ATP6V0A2: variants seen among roughly 807,000 people sequenced by gnomAD.
ATP6V0A2 encodes V-type proton ATPase 116 kDa subunit a 2.
ATP6V0A2 carries 58 observed loss-of-function variants against 104.4 expected under a neutral mutation model. The ratio of observed to expected loss-of-function variants is 0.56; its 90% CI spans 0.45 to 0.69. The LOEUF (loss-of-function observed/expected upper bound fraction) is 0.69, where lower values mean the gene tolerates loss of function less well. Among genes scored for constraint, ATP6V0A2 ranks in the 30% least tolerant of loss-of-function variants. The pLI, the probability that ATP6V0A2 is intolerant of heterozygous loss-of-function variation, is 0.00. For synonymous variants in ATP6V0A2, 376 were observed against 397.9 expected (o/e 0.95, Z 0.65); for missense variants, 938 against 1,062.9 (o/e 0.88, Z 1.63).
At chr12:123,729,260 C>T (rs1956477167) in intron 6 of ATP6V0A2, among the ~76,000 whole-genome samples, 1 of 150,682 alleles carries the variant, frequency 6.6e-6, no homozygotes, top group Non-Finnish European at 1.5e-5. Flanking sequence ...AACAGGATGT[C>T]CAGATGCATG....
chr12:123,747,780 C>G, intron 14 of ATP6V0A2, 55 bp downstream of exon 14: 1 of 1,202,624 alleles, frequency 8.3e-7, no homozygotes, highest in Non-Finnish European at 1.2e-6. Context: ...GGCATTTCTT[C>G]AATTTTGCTT....
chr12:123,732,767 G>A (rs1200012407), intron 6 of ATP6V0A2: 1 of 29,866 alleles, frequency 3.3e-5, no homozygotes, highest in Non-Finnish European at 7.3e-5. Flanking sequence ...CCTCCCTCCC[G>A]TCTCCTCATC....
At chr12:123,745,363 C>T (rs770789919) in intron 13 of ATP6V0A2, among the ~76,000 whole-genome samples, 1 of 151,994 alleles carries the variant, frequency 6.6e-6, no homozygotes, top group Non-Finnish European at 1.5e-5. Flanking sequence ...TGAAAGGAAG[C>T]GTGAGGTTAT....
At chr12:123,724,911 A>G in intron 4 of ATP6V0A2, 120 bp downstream of exon 4, 1 of 660,712 alleles carries the variant, frequency 1.5e-6, no homozygotes, top group Non-Finnish European at 2.4e-6. Flanking sequence ...TTCTTTTAAG[A>G]GATTAAATTT....
chr12:123,753,596 C>T (rs1956736622), intron 17 of ATP6V0A2, among the ~76,000 whole-genome samples: 1 of 152,232 alleles, frequency 6.6e-6, no homozygotes, highest in Non-Finnish European at 1.5e-5. Flanking sequence ...AAGGTTCTGT[C>T]TTCAAATACA....
At chr12:123,756,671 A>G in intron 18 of ATP6V0A2, 144 bp from the exon 19 acceptor site, 1 of 794,548 alleles carries the variant, frequency 1.3e-6, no homozygotes, top group Admixed American at 2.4e-5. Flanking sequence ...CATGAGAAAC[A>G]GTTGGGTCTG....
chr12:123,736,185 CTTTTT>C (rs75644082), intron 8 of ATP6V0A2, among the ~76,000 whole-genome samples: 2 of 81,912 alleles, frequency 2.4e-5, no homozygotes, highest in Admixed American at 3.4e-4. Context: ...GATTGTGATT[CTTTTT>C]TTTTTTTTTT....
intron 6 of ATP6V0A2, chr12:123,730,816 C>T (rs1956495370): frequency 1.3e-5 from 2 of 152,200 alleles, no homozygotes; most frequent in Non-Finnish European, 1.5e-5. Flanking sequence ...AAGTGATTCT[C>T]CTACCTCAGC....
At chr12:123,713,942 T>C (rs1322684549) in intron 1 of ATP6V0A2, among the ~76,000 whole-genome samples, 1 of 152,056 alleles carries the variant, frequency 6.6e-6, no homozygotes, top group Non-Finnish European at 1.5e-5. Context: ...GACTCCTGAG[T>C]GACAGGCGAG....
chr12:123,748,635 C>G lies in ATP6V0A2; in HGVS notation c.1785C>G (p.Leu595=), dbSNP rs1456745279. ...LVSIPELLFM[L]CIFGYLIFMI... The stretch of plus-strand genomic sequence containing the variant: ...CCATCCCGGAACTTCTCTTCATGCT[C>G]TGTATCTTTGGATACCTTATATTTA... The change falls in exon 15 of 20, where the codon CTC becomes CTG. Residue 595 remains leucine (L), a synonymous_variant. Coordinates refer to ENST00000330342, the MANE Select transcript of ATP6V0A2 (RefSeq NM_012463.4). 2.5e-6 allele frequency: 4 copies of G among 1,614,054 alleles called. No homozygotes were observed. In the Admixed American group the frequency reaches 5.0e-5, roughly 20 times the overall value.
chr12:123,723,428 G>T (rs1475815429), intron 3 of ATP6V0A2: 1 of 150,818 alleles, frequency 6.6e-6, no homozygotes, highest in Non-Finnish European at 1.5e-5. Context: ...AGGATGTTTA[G>T]TATGTAACTA....
chr12:123,740,962 ATTCTT>A (rs1956603689), intron 9 of ATP6V0A2, among the ~76,000 whole-genome samples: 1 of 149,794 alleles, frequency 6.7e-6, no homozygotes, highest in Non-Finnish European at 1.5e-5. Context: ...TTTTTTTTTA[ATTCTT>A]TTAACTCCTT....
intron 6 of ATP6V0A2, 174 bp from the exon 7 acceptor site, chr12:123,733,751 TG>T: frequency 3.3e-6 from 2 of 614,304 alleles, no homozygotes; most frequent in East Asian, 5.6e-5. Context: ...CTCCGTGGAT[TG>T]GTTTGGGGCT....
chr12:123,727,944 C>T (rs532023087), intron 6 of ATP6V0A2, 35 bp downstream of exon 6: 32 of 1,613,856 alleles, frequency 2.0e-5, no homozygotes, highest in Middle Eastern at 1.7e-4. Context: ...TTAGCAATGA[C>T]GGACTAACAG....
At chr12:123,725,370 G>T (rs7960403) in intron 4 of ATP6V0A2, among the ~76,000 whole-genome samples, 101,093 of 152,100 alleles carry the variant, frequency 0.66, 33,940 homozygotes, top group East Asian at 0.95. Context: ...GGTTTAGTTT[G>T]TGGTTGAAAA....
chr12:123,716,826 A>T (rs112133486), intron 1 of ATP6V0A2, among the ~76,000 whole-genome samples: 1,798 of 150,544 alleles, frequency 0.012, 36 homozygotes, highest in Admixed American at 0.05. Context: ...TCATGCATCC[A>T]TTGCCACAAT....
Position 123,757,907 on chromosome 12 carries a change from A to G in ATP6V0A2, c.2466-20A>G, listed in dbSNP as rs747028036. On this transcript the variant is annotated intron_variant, in intron 19 of 19. Coordinates refer to ENST00000330342, the MANE Select transcript of ATP6V0A2 (RefSeq NM_012463.4). ...TGATTTCATAATCTTCCATTAATACATGGCTTTTTTTTTTTTTAGGGTAGA... is the reference window on the plus strand; with the variant it reads ...TGATTTCATAATCTTCCATTAATACGTGGCTTTTTTTTTTTTTAGGGTAGA... The G allele has an allele frequency of 7.3e-6, 10 of 1,368,296 alleles. No individual in the cohort carries two copies. In the South Asian group the frequency reaches 7.3e-5, roughly 10 times the overall value. 84.8% of individuals were successfully genotyped at this position (1,368,296 alleles called of 1,614,324 possible).
intron 15 of ATP6V0A2, 139 bp from the exon 16 acceptor site, chr12:123,750,971 C>T: frequency 2.6e-6 from 3 of 1,163,632 alleles, no homozygotes; most frequent in Non-Finnish European, 3.8e-6. Context: ...AACCCGCTGG[C>T]AAGTGTAGCT....
rs1312882351 is a variant in ATP6V0A2, at chr12:123,744,666, C to T, written c.1396C>T (p.Leu466Phe). 1 of 1,614,032 alleles carries T rather than the reference C, an allele frequency of 6.2e-7. No individual in the cohort carries two copies. The highest frequency in any genetic ancestry group is 8.5e-7 in the Non-Finnish European group (1 of 1,180,030). The change falls in exon 12 of 20, where the codon CTC becomes TTC. Residue 466 changes from leucine to phenylalanine, a missense_variant. Transcript: ENST00000330342. The surrounding 1 kb of genome is among the most constrained non-coding windows in gnomAD (Gnocchi z 5.4). ...GGGGCTGTTCTCAGTGTACACTGGC[C>T]TCATCTACAACGACTGCTTTTCAAA... is the stretch of plus-strand genomic sequence containing the variant. The part of the protein sequence containing the change: ...LMGLFSVYTG[L>F]IYNDCFSKSV...
Sources: gnomAD v4.1 joint callset for allele counts (sites outside exome capture counted in the v4.1 genomes callset) on GRCh38, gnomAD v4.1.1 for gene constraint, Gnocchi (gnomAD v3.1) non-coding constraint, MANE v1.5 for transcripts, NCBI Gene and HGNC (gene_info 2026-07-23, HGNC 2026-07-21) for gene names.